The following RBFOX1 variants were observed in gnomAD, a reference collection of about 807,000 sequenced individuals.
RBFOX1 encodes RNA binding protein fox-1 homolog 1.
RBFOX1 carries 8 observed loss-of-function variants against 57.7 expected under a neutral mutation model. That is an observed-to-expected ratio of 0.14 (90% confidence interval 0.08 to 0.25). The LOEUF is 0.25. Among genes scored for constraint, RBFOX1 ranks in the 10% least tolerant of loss-of-function variants. RBFOX1 has a pLI of 1.00. For missense variants in RBFOX1, 611 were observed against 548.5 expected, an observed-to-expected ratio of 1.11 and a Z score of -1.14; for synonymous variants, 326 against 222.4, an observed-to-expected ratio of 1.47 and a Z score of -4.15.
chr16:7,114,771 C>T (rs936516849), intron 4 of RBFOX1, among the ~76,000 whole-genome samples: 1 of 152,126 alleles, frequency 6.6e-6, no homozygotes, highest in Non-Finnish European at 1.5e-5. Context: ...TTTACATGTG[C>T]TTCTCTGTCT....
chr16:6,940,293 G>C (rs773299614), intron 3 of RBFOX1, among the ~76,000 whole-genome samples: 7 of 152,186 alleles, frequency 4.6e-5, no homozygotes, highest in Non-Finnish European at 1.0e-4. Flanking sequence ...TATAGGAAGG[G>C]GCTGCTGTGA....
At chr16:5,983,408 T>G (rs1181492611) in intron 4 of RBFOX1, among the ~76,000 whole-genome samples, 1 of 152,206 alleles carries the variant, frequency 6.6e-6, no homozygotes, top group Admixed American at 6.5e-5. Flanking sequence ...TAGTGCTTTA[T>G]CGGTCTCCCA....
At chr16:7,265,964 GTTTTTTT>G (rs1204871254) in intron 4 of RBFOX1, among the ~76,000 whole-genome samples, 1 of 70,236 alleles carries the variant, frequency 1.4e-5, no homozygotes, top group Non-Finnish European at 2.7e-5. Flanking sequence ...GTGGGTTTTT[GTTTTTTT>G]TTTTTTTTTT....
At chr16:6,639,880 A>T (rs1226565694) in intron 2 of RBFOX1, among the ~76,000 whole-genome samples, 1 of 151,974 alleles carries the variant, frequency 6.6e-6, no homozygotes, top group Non-Finnish European at 1.5e-5. Flanking sequence ...CTGTGTCTCA[A>T]AAACAAAAAA....
chr16:6,846,156 G>C (rs1469839541), intron 3 of RBFOX1, among the ~76,000 whole-genome samples: 3 of 152,202 alleles, frequency 2.0e-5, no homozygotes, highest in Non-Finnish European at 4.4e-5. Context: ...GCCCAGAGCT[G>C]CTTACACGGT....
At chr16:7,339,275 A>C (rs2096849000) in intron 4 of RBFOX1, among the ~76,000 whole-genome samples, 1 of 152,184 alleles carries the variant, frequency 6.6e-6, no homozygotes, top group African/African-American at 2.4e-5. Flanking sequence ...TTGAGCACCT[A>C]CTGTGTGCCA....
intron 1 of RBFOX1, among the ~76,000 whole-genome samples, chr16:5,423,318 C>T (rs897025570): frequency 3.9e-5 from 6 of 152,048 alleles, no homozygotes; most frequent in African/African-American, 7.3e-5. Context: ...TCACTGTCAC[C>T]GGTTTTCACC....
chr16:7,015,759 C>G (rs867696890), intron 3 of RBFOX1, among the ~76,000 whole-genome samples: 5 of 150,200 alleles, frequency 3.3e-5, no homozygotes, highest in African/African-American at 9.8e-5. Flanking sequence ...ATAACATTTT[C>G]TTTTTTTTTC....
At chr16:7,696,447 T>C (rs1192964919) in intron 14 of RBFOX1, among the ~76,000 whole-genome samples, 2 of 150,984 alleles carry the variant, frequency 1.3e-5, no homozygotes, top group African/African-American at 4.9e-5. Context: ...CATTAGGAAT[T>C]TTCCAGGGTG....
At chr16:7,473,683 A>G (rs1190284209) in intron 4 of RBFOX1, among the ~76,000 whole-genome samples, 2 of 151,756 alleles carry the variant, frequency 1.3e-5, no homozygotes, top group Non-Finnish European at 2.9e-5. Context: ...AAAAAGAAAG[A>G]GAGAGAATGT....
At chr16:5,735,418 C>T (rs1224424736) in intron 3 of RBFOX1, among the ~76,000 whole-genome samples, 1 of 152,212 alleles carries the variant, frequency 6.6e-6, no homozygotes, top group Non-Finnish European at 1.5e-5. Flanking sequence ...GTTGCCTTGG[C>T]ATTAGCGATA....
chr16:5,439,906 A>T (rs2068033382), intron 1 of RBFOX1, among the ~76,000 whole-genome samples: 1 of 152,206 alleles, frequency 6.6e-6, no homozygotes, highest in South Asian at 2.1e-4. Flanking sequence ...AATTTGTAAG[A>T]TCTGAGTAAA....
At chr16:5,483,924 A>G (rs1230044796) in intron 2 of RBFOX1, among the ~76,000 whole-genome samples, 2 of 150,116 alleles carry the variant, frequency 1.3e-5, no homozygotes, top group Non-Finnish European at 3.0e-5. Flanking sequence ...TGATCCCAGC[A>G]CTTTGAGAGG....
intron 4 of RBFOX1, among the ~76,000 whole-genome samples, chr16:7,186,151 G>C (rs986499307): frequency 5.3e-5 from 8 of 151,184 alleles, no homozygotes; most frequent in African/African-American, 1.7e-4. Context: ...TAGATATCAT[G>C]ATACTTATCT....
At chr16:6,023,040 G>T (rs1164675396) in intron 1 of RBFOX1, among the ~76,000 whole-genome samples, 1 of 152,126 alleles carries the variant, frequency 6.6e-6, no homozygotes, top group East Asian at 1.9e-4. Flanking sequence ...GTTGTGGCCA[G>T]GGTCTCAGGG....
chr16:5,858,384 C>T (rs1028540523), intron 3 of RBFOX1, among the ~76,000 whole-genome samples: 1 of 152,180 alleles, frequency 6.6e-6, no homozygotes, highest in Non-Finnish European at 1.5e-5. Flanking sequence ...ACAGCTCAGA[C>T]TCCCTGTAAA....
intron 4 of RBFOX1, among the ~76,000 whole-genome samples, chr16:7,510,516 C>G (rs879333668): frequency 2.3e-3 from 299 of 132,558 alleles, no homozygotes; most frequent in African/African-American, 7.5e-3. Flanking sequence ...TGTGTGGGCG[C>G]GCGCGCACGC....
At chr16:6,645,386 C>T (rs963696007) in intron 2 of RBFOX1, among the ~76,000 whole-genome samples, 1 of 152,104 alleles carries the variant, frequency 6.6e-6, no homozygotes, top group Non-Finnish European at 1.5e-5. Flanking sequence ...TCGGGAGCTT[C>T]GTTGTCCGGT....
chr16:7,087,339 C>A (rs1186859466), intron 4 of RBFOX1, among the ~76,000 whole-genome samples: 3 of 152,106 alleles, frequency 2.0e-5, no homozygotes, highest in African/African-American at 7.2e-5. Context: ...AATCTCCCAC[C>A]CGCCATCAGG....
Sources: gnomAD v4.1 joint callset for allele counts (sites outside exome capture counted in the v4.1 genomes callset) on GRCh38, gnomAD v4.1.1 for gene constraint, MANE v1.5 for transcripts, NCBI Gene and HGNC (gene_info 2026-07-23, HGNC 2026-07-21) for gene names.